The following CTNND2 variants were observed in gnomAD, a reference collection of about 807,000 sequenced individuals.
The protein encoded by CTNND2 is catenin delta-2.
A neutral mutation model predicts 144.4 loss-of-function variants in CTNND2; 22 were observed. The ratio of observed to expected loss-of-function variants is 0.15; its 90% confidence interval spans 0.11 to 0.22. The LOEUF is 0.22. CTNND2 is among the 10% of genes least tolerant of loss of function. The probability of loss-of-function intolerance (pLI) is 1.00; values close to 1 mark genes in which losing one functional copy is unlikely to be tolerated. For synonymous variants in CTNND2, 751 were observed against 695.6 expected (o/e 1.08, Z -1.25); for missense variants, 1,353 against 1,618.8 (o/e 0.84, Z 2.82).
intron 3 of CTNND2, among the ~76,000 whole-genome samples, chr5:11,499,635 A>T (rs1478184886): frequency 1.3e-5 from 2 of 152,232 alleles, no homozygotes; most frequent in African/African-American, 4.8e-5. Flanking sequence ...AGAATATGCC[A>T]TTATCCTGAT....
chr5:11,849,017 T>C (rs547590880), intron 1 of CTNND2, among the ~76,000 whole-genome samples: 28 of 152,222 alleles, frequency 1.8e-4, no homozygotes, highest in Admixed American at 1.7e-3. Context: ...GCAGAACTAA[T>C]AGACAGTGTA....
chr5:11,710,702 A>C (rs1011929135), intron 2 of CTNND2, among the ~76,000 whole-genome samples: 2 of 152,122 alleles, frequency 1.3e-5, no homozygotes, highest in African/African-American at 4.8e-5. Context: ...TAACTCTACA[A>C]GTCTATTTTT....
intron 1 of CTNND2, among the ~76,000 whole-genome samples, chr5:11,843,378 A>AT: frequency 6.6e-6 from 1 of 152,222 alleles, no homozygotes. Flanking sequence ...GCAAATGAAC[A>AT]TTTTTCTGAA....
At chr5:11,590,746 G>A (rs1779188279) in intron 2 of CTNND2, among the ~76,000 whole-genome samples, 1 of 151,270 alleles carries the variant, frequency 6.6e-6, no homozygotes, top group Admixed American at 6.6e-5. Flanking sequence ...AATGTACTTT[G>A]TAACATCCAC....
rs1336198547 is a variant in CTNND2 at position 11,384,619 on chromosome 5, C to G, written c.1177+46G>C. On this transcript the variant is annotated intron_variant, in intron 7 of 21. Coordinates refer to ENST00000304623, the MANE Select transcript of CTNND2 (RefSeq NM_001332.4). The surrounding 1 kb of genome is among the most constrained non-coding windows in gnomAD (Gnocchi z 5.2). ...AGCCGGGCTGCTGCTTCCGCGTCCC[C>G]GCCACGCGCCCAGGTGAGTCGCGCC... The G allele has an allele frequency of 1.3e-6, 2 of 1,537,300 alleles. No individual in the cohort carries two copies. Among genetic ancestry groups the G allele is most frequent in the South Asian group, 1.2e-5 (1 of 84,974 alleles).
At chr5:11,469,295 C>A (rs942716039) in intron 3 of CTNND2, among the ~76,000 whole-genome samples, 3 of 152,116 alleles carry the variant, frequency 2.0e-5, no homozygotes, top group Admixed American at 1.3e-4. Context: ...TTTTTGCATG[C>A]AGATTGTAAT....
intron 1 of CTNND2, among the ~76,000 whole-genome samples, chr5:11,776,344 G>C (rs941358582): frequency 1.3e-5 from 2 of 152,122 alleles, no homozygotes; most frequent in African/African-American, 4.8e-5. Flanking sequence ...GCCAACCTCT[G>C]TAAGATAGAT....
chr5:11,095,751 C>T (rs1751275497), intron 15 of CTNND2, among the ~76,000 whole-genome samples: 1 of 152,150 alleles, frequency 6.6e-6, no homozygotes, highest in Non-Finnish European at 1.5e-5. Context: ...GTTCTTTGTA[C>T]TTTAACATGT....
intron 2 of CTNND2, among the ~76,000 whole-genome samples, chr5:11,678,353 G>A (rs1355823036): frequency 6.6e-6 from 1 of 152,140 alleles, no homozygotes; most frequent in Non-Finnish European, 1.5e-5. Flanking sequence ...CAGAACCCCT[G>A]ACTGGTATTT....
At chr5:11,802,299 G>A (rs10044963) in intron 1 of CTNND2, among the ~76,000 whole-genome samples, 147,392 of 151,986 alleles carry the variant, frequency 0.97, 71,599 homozygotes, top group East Asian at 1. Flanking sequence ...CAAGTGCAGT[G>A]GCTCATGCCT....
intron 11 of CTNND2, among the ~76,000 whole-genome samples, chr5:11,166,170 G>A (rs2149779102): frequency 6.6e-6 from 1 of 151,670 alleles, no homozygotes; most frequent in Non-Finnish European, 1.5e-5. Flanking sequence ...AAACAAATTT[G>A]TCATTTCTTT....
intron 2 of CTNND2, among the ~76,000 whole-genome samples, chr5:11,691,018 C>T (rs1784884204): frequency 6.6e-6 from 1 of 151,986 alleles, no homozygotes; most frequent in African/African-American, 2.4e-5. Flanking sequence ...TTTTGCAGTC[C>T]ATCTAACAGT....
At chr5:11,034,848 TTGA>T (rs1743891151) in intron 16 of CTNND2, among the ~76,000 whole-genome samples, 1 of 152,122 alleles carries the variant, frequency 6.6e-6, no homozygotes. Flanking sequence ...TAGTGGTCTG[TTGA>T]TCTTTTTTTT....
At chr5:11,558,338 A>C (rs1332206517) in intron 3 of CTNND2, among the ~76,000 whole-genome samples, 1 of 88,780 alleles carries the variant, frequency 1.1e-5, no homozygotes, top group Non-Finnish European at 2.2e-5. Flanking sequence ...GCTGTGAGAA[A>C]CACGTGTGTG....
At chr5:11,539,800 G>A (rs999768187) in intron 3 of CTNND2, among the ~76,000 whole-genome samples, 180 of 152,174 alleles carry the variant, frequency 1.2e-3, no homozygotes, top group Admixed American at 7.9e-4. Context: ...TTGGGAGGCC[G>A]AGGCAGGTGG....
intron 1 of CTNND2, among the ~76,000 whole-genome samples, chr5:11,890,300 C>T (rs1736858962): frequency 6.6e-6 from 1 of 152,162 alleles, no homozygotes; most frequent in African/African-American, 2.4e-5. Context: ...GCCACAAAAA[C>T]CTGTCACAGC....
At chr5:11,477,468 G>GT (rs1329319378) in intron 3 of CTNND2, among the ~76,000 whole-genome samples, 3 of 151,752 alleles carry the variant, frequency 2.0e-5, no homozygotes, top group Non-Finnish European at 4.4e-5. Context: ...TTGAAGTAGA[G>GT]TGGCTTGATC....
At chr5:11,346,990 G>T (rs1253803877) in intron 8 of CTNND2, among the ~76,000 whole-genome samples, 1 of 152,164 alleles carries the variant, frequency 6.6e-6, no homozygotes, top group African/African-American at 2.4e-5. Flanking sequence ...TTCAAGTTGA[G>T]AAGATTCAGA....
intron 2 of CTNND2, among the ~76,000 whole-genome samples, chr5:11,680,868 G>A (rs1463881412): frequency 6.6e-6 from 1 of 152,186 alleles, no homozygotes; most frequent in Non-Finnish European, 1.5e-5. Context: ...TCTTGTCATT[G>A]TGGCCATTAG....
Sources: gnomAD v4.1 joint callset for allele counts (sites outside exome capture counted in the v4.1 genomes callset) on GRCh38, gnomAD v4.1.1 for gene constraint, Gnocchi (gnomAD v3.1) non-coding constraint, MANE v1.5 for transcripts, NCBI Gene and HGNC (gene_info 2026-07-23, HGNC 2026-07-21) for gene names.